UNC5B: variants seen among roughly 807,000 people sequenced by gnomAD.
The protein encoded by UNC5B is unc-5 netrin receptor B.
A neutral mutation model predicts 103.7 loss-of-function variants in UNC5B; 56 were observed. That is an observed-to-expected ratio of 0.54 (90% CI 0.44 to 0.67). The LOEUF (loss-of-function observed/expected upper bound fraction) is 0.67, where lower values mean the gene tolerates loss of function less well. Ranked by LOEUF, UNC5B falls within the 30% of genes least tolerant of loss-of-function variation. The pLI, the probability that UNC5B is intolerant of heterozygous loss-of-function variation, is 0.00. For synonymous variants in UNC5B, 577 were observed against 542.0 expected (o/e 1.06, Z -0.90); for missense variants, 1,194 against 1,284.5 (o/e 0.93, Z 1.08).
intron 1 of UNC5B, among the ~76,000 whole-genome samples, chr10:71,237,000 C>T (rs1366085538): frequency 1.3e-5 from 2 of 152,194 alleles, no homozygotes; most frequent in Non-Finnish European, 2.9e-5. Context: ...TGGAAGGCTT[C>T]CTGGAGGAGG....
chr10:71,292,686 C>G, intron 11 of UNC5B, 132 bp downstream of exon 11: 1 of 755,606 alleles, frequency 1.3e-6, no homozygotes, highest in Non-Finnish European at 2.1e-6. Context: ...CTTACTGTGT[C>G]CATATTGAAA....
chr10:71,298,014 A>G lies in UNC5B; in HGVS notation c.2596A>G (p.Ile866Val). 6.2e-7 allele frequency: 1 copy of G among 1,613,972 alleles called. No homozygotes were observed. The highest frequency in any genetic ancestry group is 8.5e-7 in the Non-Finnish European group (1 of 1,180,008). Residue 866 changes from isoleucine to valine, a missense_variant, in exon 16 of 17, where the codon ATA becomes GTA. By Grantham distance (29) the Ile-to-Val change is conservative. Transcript: ENST00000335350. ...GATCCCACTGTCCATCCGCCAGAAG[A>G]TATGCAACAGCCTAGATGCCCCCAA... ...FKIPLSIRQK[I>V]CNSLDAPNSR...
chr10:71,221,683 T>C (rs1485053204), intron 1 of UNC5B, among the ~76,000 whole-genome samples: 1 of 152,186 alleles, frequency 6.6e-6, no homozygotes, highest in Non-Finnish European at 1.5e-5. Flanking sequence ...GGGATTAGGA[T>C]GATGCAACAG....
At position 71,297,177 on chromosome 10, in the gene UNC5B, G is replaced by A. The variant is rs74968727; in HGVS notation, c.2490+435G>A. ...TCCCTCTCACCTCCCAAGTCTGAGC[G>A]GGTATCTGGTCATGTTTTTCTAACA... On this transcript the variant is annotated intron_variant, in intron 15 of 16. Coordinates refer to ENST00000335350, the MANE Select transcript of UNC5B (RefSeq NM_170744.5). Among the ~76,000 whole-genome samples, 230 of 152,104 alleles carry A rather than the reference G, an allele frequency of 1.5e-3. 4 individuals carry two copies. In the East Asian group the frequency reaches 0.038, roughly 25 times the overall value.
Position 71,298,023 on chromosome 10 carries a change from A to G in UNC5B, c.2605A>G (p.Ser869Gly), listed in dbSNP as rs1845487806. Residue 869 changes from serine to glycine, a missense_variant, in exon 16 of 17, where the codon AGC becomes GGC. Transcript: ENST00000335350. ...GTCCATCCGCCAGAAGATATGCAAC[A>G]GCCTAGATGCCCCCAACTCACGGGG... Reference protein sequence around the residue: ...PLSIRQKICNSLDAPNSRGND... With the variant: ...PLSIRQKICNGLDAPNSRGND... The G allele has an allele frequency of 6.2e-7, 1 of 1,613,932 alleles. No individual in the cohort carries two copies. The highest frequency in any genetic ancestry group is 2.2e-5 in the East Asian group (1 of 44,860).
intron 1 of UNC5B, among the ~76,000 whole-genome samples, chr10:71,225,733 C>T (rs1025441537): frequency 1.2e-4 from 19 of 152,246 alleles, no homozygotes; most frequent in Admixed American, 9.2e-4. Flanking sequence ...GACCAGTCTT[C>T]ACTCTCTGAG....
chr10:71,286,598 T>C lies in UNC5B; in HGVS notation c.553-91T>C, dbSNP rs1845088931. The stretch of plus-strand genomic sequence containing the variant: ...CAAGGCCCTGCCTCACTGCCACGAC[T>C]ATGGCGTGGACCCAGGTAGAACTGC... On this transcript the variant is annotated intron_variant, in intron 4 of 16. Coordinates refer to ENST00000335350, the MANE Select transcript of UNC5B (RefSeq NM_170744.5). 1.1e-5 allele frequency: 17 copies of C among 1,505,952 alleles called. No individual in the cohort carries two copies. In the Middle Eastern group the frequency reaches 1.0e-3, roughly 93 times the overall value. 93.3% of individuals were successfully genotyped at this position (1,505,952 alleles called of 1,614,324 possible). A position where few individuals can be genotyped will look rare whatever the true frequency, so the allele number is the denominator to read the frequency against.
Position 71,288,592 on chromosome 10 carries a change from G to T in UNC5B, c.926G>T (p.Ser309Ile). 6.2e-7 allele frequency: 1 copy of T among 1,614,026 alleles called. No individual in the cohort carries two copies. The highest frequency in any genetic ancestry group is 8.5e-7 in the Non-Finnish European group (1 of 1,179,996). ...CPVDGAWTEW[S>I]KWSACSTECA... ...GTCGATGGGGCGTGGACGGAGTGGAGCAAGTGGTCAGCCTGCAGCACTGAG... is the reference window on the plus strand; with the variant it reads ...GTCGATGGGGCGTGGACGGAGTGGATCAAGTGGTCAGCCTGCAGCACTGAG... Residue 309 changes from serine (S) to isoleucine (I), a missense_variant, in exon 7 of 17, where the codon AGC becomes ATC. Coordinates refer to ENST00000335350, the MANE Select transcript of UNC5B (RefSeq NM_170744.5).
chr10:71,241,032 A>G (rs532767770), intron 1 of UNC5B, among the ~76,000 whole-genome samples: 4 of 152,326 alleles, frequency 2.6e-5, no homozygotes, highest in Admixed American at 2.6e-4. Flanking sequence ...TCATCATGGT[A>G]GCCTACATGT....
intron 1 of UNC5B, among the ~76,000 whole-genome samples, chr10:71,279,194 T>G (rs964426369): frequency 6.6e-6 from 1 of 152,202 alleles, no homozygotes; most frequent in Non-Finnish European, 1.5e-5. Flanking sequence ...AGGTGAGCTC[T>G]GTGAGGAAGC....
At chr10:71,293,290 T>C in intron 11 of UNC5B, 115 bp from the exon 12 acceptor site, 8 of 1,208,642 alleles carry the variant, frequency 6.6e-6, no homozygotes, top group Non-Finnish European at 9.1e-6. Flanking sequence ...GAGCCCTGAG[T>C]GGCAAAGAGC....
At chr10:71,270,771 T>C (rs1300248140) in intron 1 of UNC5B, among the ~76,000 whole-genome samples, 1 of 152,068 alleles carries the variant, frequency 6.6e-6, no homozygotes, top group Non-Finnish European at 1.5e-5. Context: ...ACTGGGTGCT[T>C]GGCGGAGTCT....
chr10:71,248,548 T>C (rs1297894649), intron 1 of UNC5B, among the ~76,000 whole-genome samples: 1 of 152,194 alleles, frequency 6.6e-6, no homozygotes, highest in Non-Finnish European at 1.5e-5. Context: ...GCTTCAATTA[T>C]CCTTTAATTT....
intron 1 of UNC5B, among the ~76,000 whole-genome samples, chr10:71,266,692 A>G (rs375822213): frequency 2.0e-4 from 31 of 152,126 alleles, no homozygotes; most frequent in East Asian, 1.7e-3. Flanking sequence ...GCTCGCCGGG[A>G]CCCTGGCAGC....
At position 71,297,933 on chromosome 10, in the gene UNC5B, C is replaced by T. The variant is rs748980910; in HGVS notation, c.2515C>T (p.Leu839Phe). 1 of 1,613,530 alleles carries T rather than the reference C, an allele frequency of 6.2e-7. No homozygotes were observed. The highest frequency in any genetic ancestry group is 1.1e-5 in the South Asian group (1 of 90,998). Residue 839 changes from leucine (L) to phenylalanine (F), a missense_variant, in exon 16 of 17, where the codon CTC (leucine) becomes TTC (phenylalanine). Leu to Phe is a conservative substitution (Grantham distance 22). Coordinates refer to ENST00000335350, the MANE Select transcript of UNC5B (RefSeq NM_170744.5). The stretch of plus-strand genomic sequence containing the variant: ...GACACCTGCTGGCTCCCTGGACACT[C>T]TCTGCTCTGCCCCTGGCAGCACTGT... ...AETPAGSLDT[L>F]CSAPGSTVTT... is the part of the protein sequence containing the mutation.
chr10:71,296,686 G>C lies in UNC5B; in HGVS notation c.2434G>C (p.Val812Leu), dbSNP rs370153366. ...CACAGAGCTCACCTGCAAGATCTGC[G>C]TGCGGCAAGTGGAAGGGGAGGGCCA... Reference protein sequence around the residue: ...ASTELTCKICVRQVEGEGQIF... With the variant: ...ASTELTCKICLRQVEGEGQIF... The change falls in exon 15 of 17, where the codon GTG becomes CTG. Residue 812 changes from valine (V) to leucine (L), a missense_variant. Physicochemically the swap from Val to Leu is conservative, Grantham distance 32. Transcript: ENST00000335350. The C allele has an allele frequency of 1.2e-6, 2 of 1,614,168 alleles. No homozygotes were observed. Among genetic ancestry groups the C allele is most frequent in the Middle Eastern group, 1.6e-4 (1 of 6,062 alleles).
At chr10:71,228,632 C>A (rs1363171501) in intron 1 of UNC5B, among the ~76,000 whole-genome samples, 1 of 152,162 alleles carries the variant, frequency 6.6e-6, no homozygotes, top group Non-Finnish European at 1.5e-5. Flanking sequence ...ATTAGATAAA[C>A]ACATATTGTA....
At chr10:71,256,387 C>T (rs1262069078) in intron 1 of UNC5B, among the ~76,000 whole-genome samples, 3 of 152,222 alleles carry the variant, frequency 2.0e-5, no homozygotes, top group Non-Finnish European at 2.9e-5. Context: ...ATGGCTGCCG[C>T]GTCTCCCCAG....
In UNC5B at chr10:71,293,521, C is replaced by A; in HGVS notation, c.1889C>A (p.Ala630Asp). 6.2e-7 allele frequency: 1 copy of A among 1,613,994 alleles called. No individual in the cohort carries two copies. The highest frequency in any genetic ancestry group is 8.5e-7 in the Non-Finnish European group (1 of 1,180,032). Reference sequence around the variant, plus strand: ...ATGCCCCACTGTGCCGAAGTCAGTGCCCGTGACTGGATCTTTCAGCTCAAG... The same window carrying A: ...ATGCCCCACTGTGCCGAAGTCAGTGACCGTGACTGGATCTTTCAGCTCAAG... ...LTMPHCAEVSARDWIFQLKTQ... is the reference protein window; with the variant it reads ...LTMPHCAEVSDRDWIFQLKTQ... Residue 630 changes from alanine (A) to aspartate (D), a missense_variant, in exon 12 of 17, where the codon GCC (alanine) becomes GAC (aspartate). By Grantham distance (126) the Ala-to-Asp change is moderately radical. Coordinates refer to ENST00000335350, the MANE Select transcript of UNC5B (RefSeq NM_170744.5).
Sources: gnomAD v4.1 joint callset for allele counts (sites outside exome capture counted in the v4.1 genomes callset) on GRCh38, gnomAD v4.1.1 for gene constraint, MANE v1.5 for transcripts, NCBI Gene and HGNC (gene_info 2026-07-23, HGNC 2026-07-21) for gene names.